The following EDEM1 variants were observed in gnomAD, a reference collection of about 807,000 sequenced individuals.
The protein encoded by EDEM1 is ER degradation enhancing alpha-mannosidase like protein 1, also known as ER degradation-enhancing alpha-mannosidase-like protein 1.
A neutral mutation model predicts 74.4 loss-of-function variants in EDEM1; 67 were observed. The ratio of observed to expected loss-of-function variants is 0.90; its 90% CI spans 0.74 to 1.10. The LOEUF is 1.10. Among genes scored for constraint, EDEM1 ranks in the 50% least tolerant of loss-of-function variants. The pLI, the probability that EDEM1 is intolerant of heterozygous loss-of-function variation, is 0.00. For missense variants in EDEM1, 926 were observed against 851.6 expected (o/e 1.09, Z -1.09); for synonymous variants, 382 against 335.9 (o/e 1.14, Z -1.50).
chr3:5,199,678 C>G lies in EDEM1; in HGVS notation c.669C>G (p.Val223=), dbSNP rs779824502. The part of the protein sequence containing the change: ...VSFDKDSTVQ[V]FEATIRVLGS... Reference sequence around the variant, plus strand: ...TTGACAAAGATTCCACCGTCCAAGTCTTTGAGGCCACGATAAGGTAAAATA... The same window carrying G: ...TTGACAAAGATTCCACCGTCCAAGTGTTTGAGGCCACGATAAGGTAAAATA... The change falls in exon 3 of 12, where the codon GTC becomes GTG. Residue 223 remains valine (V), a synonymous_variant. Transcript: ENST00000256497. 25 of 1,613,384 alleles carry G rather than the reference C, an allele frequency of 1.5e-5. No individual in the cohort carries two copies. The Admixed American group carries it at 3.7e-4, about 24-fold the overall frequency.
chr3:5,196,321 G>T (rs911845008), intron 2 of EDEM1, among the ~76,000 whole-genome samples: 1 of 152,196 alleles, frequency 6.6e-6, no homozygotes, highest in African/African-American at 2.4e-5. Flanking sequence ...GCTGGGCATG[G>T]TGGCGGGCGC....
chr3:5,203,047 G>A lies in EDEM1; in HGVS notation c.940G>A (p.Gly314Arg). ...AGAGSLLVEF[G>R]ILSRLLGDST... The stretch of plus-strand genomic sequence containing the variant: ...AGCCGGTTCCCTCCTGGTGGAATTT[G>A]GGATTCTGAGTCGACTCCTGGGGGA... The change falls in exon 5 of 12, where the codon GGG becomes AGG. Residue 314 changes from glycine to arginine, a missense_variant. Physicochemically the swap from Gly to Arg is moderately radical, Grantham distance 125. Coordinates refer to ENST00000256497, the MANE Select transcript of EDEM1 (RefSeq NM_014674.3). 6.2e-7 allele frequency: 1 copy of A among 1,613,960 alleles called. No homozygotes were observed. The highest frequency in any genetic ancestry group is 1.1e-5 in the South Asian group (1 of 91,062).
Position 5,195,261 on chromosome 3 carries a change from G to C in EDEM1, c.562G>C (p.Asp188His). 1 of 1,566,612 alleles carries C rather than the reference G, an allele frequency of 6.4e-7. No homozygotes were observed. Among genetic ancestry groups the C allele is most frequent in the Non-Finnish European group, 8.6e-7 (1 of 1,156,202 alleles). ...AGGGAACTACTCATTGACTCTTGTT[G>C]ATGCATTGGATACACTTGCAGTAAG... is the stretch of plus-strand genomic sequence containing the variant. ...VLGNYSLTLVDALDTLAIMGN... is the reference protein window; with the variant it reads ...VLGNYSLTLVHALDTLAIMGN... The change falls in exon 2 of 12, where the codon GAT (aspartate) becomes CAT (histidine). Residue 188 changes from aspartate to histidine, a missense_variant. Coordinates refer to ENST00000256497, the MANE Select transcript of EDEM1 (RefSeq NM_014674.3).
Position 5,196,935 on chromosome 3 carries a change from C to CTT in EDEM1, c.582+1667_582+1668dup, listed in dbSNP as rs547304238. ...GTCGTCTTTTCTTTTCTTTTCTTTT[C>CTT]TTTTTTTTTTTTTTGAGAGAGTCTC... is the stretch of plus-strand genomic sequence containing the variant. On this transcript the variant is annotated intron_variant, in intron 2 of 11. Coordinates refer to ENST00000256497, the MANE Select transcript of EDEM1 (RefSeq NM_014674.3). 8.6e-3 allele frequency among the ~76,000 whole-genome samples: 1,185 copies of CTT among 138,422 alleles called. 17 individuals carry two copies. Among genetic ancestry groups the CTT allele is most frequent in the African/African-American group, 0.03 (1,126 of 37,868 alleles). The allele number at this position is 138,422 out of a possible 152,430, so 90.8% of individuals were successfully genotyped here. A position where few individuals can be genotyped will look rare whatever the true frequency, so the allele number is the denominator to read the frequency against.
In EDEM1 at chr3:5,216,853, C is replaced by T. The variant is rs1297998319; in HGVS notation, c.*935C>T. The T allele has an allele frequency of 6.6e-6, 1 of 152,654 alleles. No homozygotes were observed. Among genetic ancestry groups the T allele is most frequent in the African/African-American group, 2.4e-5 (1 of 41,456 alleles). The allele number at this position is 152,654 out of a possible 1,614,324, so 9.5% of individuals were successfully genotyped here. A position where few individuals can be genotyped will look rare whatever the true frequency, so the allele number is the denominator to read the frequency against. ...TACCTAAGATTGTCTGAGCTTCCATCTTTCTCATATTTCCTAAGCAAGGAT... is the reference window on the plus strand; with the variant it reads ...TACCTAAGATTGTCTGAGCTTCCATTTTTCTCATATTTCCTAAGCAAGGAT... On this transcript the variant is annotated 3_prime_UTR_variant, in exon 12 of 12. Transcript: ENST00000256497.
chr3:5,213,195 G>C lies in EDEM1; in HGVS notation c.1681-124G>C, dbSNP rs570465379. The C allele has an allele frequency of 5.0e-4, 465 of 933,570 alleles. 8 individuals are homozygous for C. In the East Asian group the frequency reaches 0.012, roughly 25 times the overall value. The allele number at this position is 933,570 out of a possible 1,614,324, so 57.8% of individuals were successfully genotyped here. A position where few individuals can be genotyped will look rare whatever the true frequency, so the allele number is the denominator to read the frequency against. On this transcript the variant is annotated intron_variant, in intron 10 of 11. Coordinates refer to ENST00000256497, the MANE Select transcript of EDEM1 (RefSeq NM_014674.3). ...TTGTCAGTCAATTCCTTTTCACCCA[G>C]TTGTCACTGAGAAGCATGAGGCCCA...
chr3:5,187,732 G>A lies in EDEM1; in HGVS notation c.-74G>A. ...AAAGGGGAAGCGAGCCGGGCTACGG[G>A]GCGAGCGCGGGGTGCGGTGGTCGGC... On this transcript the variant is annotated 5_prime_UTR_variant, in exon 1 of 12. Transcript: ENST00000256497. The A allele has an allele frequency of 7.0e-7, 1 of 1,427,478 alleles. No individual in the cohort carries two copies. The highest frequency in any genetic ancestry group is 9.2e-7 in the Non-Finnish European group (1 of 1,090,950). 88.4% of individuals were successfully genotyped at this position (1,427,478 alleles called of 1,614,324 possible).
Position 5,187,902 on chromosome 3 carries a change from T to G in EDEM1, c.97T>G (p.Phe33Val), listed in dbSNP as rs1441746739. ...CTTCGGGCTGGGGCCCAGCATGGGC[T>G]TCTACCAGCGCTTTCCGCTCAGCTT... ...LVFGLGPSMG[F>V]YQRFPLSFGF... is the part of the protein sequence containing the mutation. The change falls in exon 1 of 12, where the codon TTC (phenylalanine) becomes GTC (valine). Residue 33 changes from phenylalanine to valine, a missense_variant. Coordinates refer to ENST00000256497, the MANE Select transcript of EDEM1 (RefSeq NM_014674.3). 1.9e-6 allele frequency: 3 copies of G among 1,600,582 alleles called. No homozygotes were observed. Among genetic ancestry groups the G allele is most frequent in the Non-Finnish European group, 2.6e-6 (3 of 1,175,804 alleles).
intron 11 of EDEM1, among the ~76,000 whole-genome samples, chr3:5,213,913 G>T (rs540799968): frequency 6.6e-6 from 1 of 152,300 alleles, no homozygotes; most frequent in South Asian, 2.1e-4. Flanking sequence ...CTTCTTGGCT[G>T]CCTGGGGCAG....
chr3:5,199,599 G>T lies in EDEM1; in HGVS notation c.590G>T (p.Gly197Val). ...GTGTTCCTCTTTTTAAAGATAATGG[G>T]AAATTCATCCGAGTTCCAGAAAGCC... is the stretch of plus-strand genomic sequence containing the variant. ...VDALDTLAIM[G>V]NSSEFQKAVK... is the part of the protein sequence containing the mutation. The change falls in exon 3 of 12, where the codon GGA (glycine) becomes GTA (valine). Residue 197 changes from glycine to valine, a missense_variant. Transcript: ENST00000256497. The T allele has an allele frequency of 6.2e-7, 1 of 1,611,088 alleles. No individual in the cohort carries two copies. The highest frequency in any genetic ancestry group is 8.5e-7 in the Non-Finnish European group (1 of 1,178,386).
chr3:5,205,401 T>C (rs1240098796), intron 6 of EDEM1, among the ~76,000 whole-genome samples, 160 bp downstream of exon 6: 1 of 152,196 alleles, frequency 6.6e-6, no homozygotes, highest in Non-Finnish European at 1.5e-5. Flanking sequence ...CAAAGAGCTG[T>C]GTTATCTTTC....
At chr3:5,192,433 A>T (rs1170745782) in intron 1 of EDEM1, among the ~76,000 whole-genome samples, 1 of 152,232 alleles carries the variant, frequency 6.6e-6, no homozygotes, top group African/African-American at 2.4e-5. Context: ...AAAATTTTCT[A>T]TCAAAGGCCA....
In EDEM1 at chr3:5,217,524, A is replaced by G. The variant is rs564177230; in HGVS notation, c.*1606A>G. The G allele has an allele frequency of 6.5e-6, 1 of 152,782 alleles. No individual in the cohort carries two copies. The highest frequency in any genetic ancestry group is 2.1e-4 in the South Asian group (1 of 4,826). 9.5% of individuals were successfully genotyped at this position (152,782 alleles called of 1,614,324 possible). ...AAGGGAGAAATCTTATTCCTTCTTGAAAATTTTAAGTGTTATGGTTTTATA... is the reference window on the plus strand; with the variant it reads ...AAGGGAGAAATCTTATTCCTTCTTGGAAATTTTAAGTGTTATGGTTTTATA... On this transcript the variant is annotated 3_prime_UTR_variant, in exon 12 of 12. Transcript: ENST00000256497.
intron 1 of EDEM1, among the ~76,000 whole-genome samples, chr3:5,192,060 CTCTT>C (rs1421590821): frequency 6.6e-6 from 1 of 152,266 alleles, no homozygotes; most frequent in Non-Finnish European, 1.5e-5. Context: ...CTCTGCATTC[CTCTT>C]TCTTTGGAAA....
intron 1 of EDEM1, chr3:5,189,410 G>T (rs2054872656): frequency 6.6e-6 from 1 of 152,330 alleles, no homozygotes; most frequent in South Asian, 2.1e-4. Context: ...TGCAGTTTGA[G>T]AGCATGATTT....
intron 1 of EDEM1, among the ~76,000 whole-genome samples, chr3:5,189,872 T>C (rs985101918): frequency 6.6e-6 from 1 of 152,246 alleles, no homozygotes; most frequent in Non-Finnish European, 1.5e-5. Flanking sequence ...GTGCTGGGAT[T>C]ACAGGCGTGA....
chr3:5,196,201 A>G (rs2054964951), intron 2 of EDEM1, among the ~76,000 whole-genome samples: 1 of 152,216 alleles, frequency 6.6e-6, no homozygotes, highest in Non-Finnish European at 1.5e-5. Context: ...TCACGCCTGT[A>G]ATCCCAGCAC....
At chr3:5,191,940 C>G (rs761647155) in intron 1 of EDEM1, among the ~76,000 whole-genome samples, 1 of 152,220 alleles carries the variant, frequency 6.6e-6, no homozygotes, top group Admixed American at 6.5e-5. Context: ...TGACCATTCT[C>G]AATTTCTTCT....
chr3:5,215,145 G>A (rs1193439488), intron 11 of EDEM1, among the ~76,000 whole-genome samples: 1 of 152,090 alleles, frequency 6.6e-6, no homozygotes, highest in East Asian at 1.9e-4. Flanking sequence ...GGAGCAGGGT[G>A]TAGTAAGTTC....
Sources: allele counts gnomAD v4.1 joint callset (sites outside exome capture counted in the v4.1 genomes callset), GRCh38; gene constraint gnomAD v4.1.1; transcripts MANE v1.5; gene names NCBI Gene and HGNC (gene_info 2026-07-23, HGNC 2026-07-21).